Variants in CEACAM21 observed in about 807,000 individuals in gnomAD.
CEACAM21 encodes the protein cell adhesion molecule CEACAM21.
In CEACAM21, 38 loss-of-function variants were observed where a neutral mutation model predicts 33.2. The ratio of observed to expected loss-of-function variants is 1.14; its 90% CI spans 0.88 to 1.50. CEACAM21 has a LOEUF of 1.50. CEACAM21 is among the 40% of genes most tolerant of loss of function. The pLI, the probability that CEACAM21 is intolerant of heterozygous loss-of-function variation, is 0.00. For missense variants in CEACAM21, 385 were observed against 364.6 expected (o/e 1.06, Z -0.46); for synonymous variants, 156 against 143.0 (o/e 1.09, Z -0.65).
chr19:41,577,308 T>A lies in CEACAM21; in HGVS notation c.173T>A (p.Leu58Gln), dbSNP rs782218100. 3.1e-6 allele frequency: 5 copies of A among 1,614,016 alleles called. No individual in the cohort carries two copies. Among genetic ancestry groups the A allele is most frequent in the Non-Finnish European group, 4.2e-6 (5 of 1,179,982 alleles). The change falls in exon 2 of 7, where the codon CTG becomes CAG. Residue 58 changes from leucine to glutamine, a missense_variant. Coordinates refer to ENST00000401445, the MANE Select transcript of CEACAM21 (RefSeq NM_001098506.4). ...AATGTTCATCTCTCTGTGGTTTATC[T>A]GCCCGAGAATCTTTACAGCTATGGC... ...GENVHLSVVY[L>Q]PENLYSYGWY...
intron 3 of CEACAM21, 79 bp from the exon 4 acceptor site, chr19:41,584,268 A>T: frequency 8.2e-7 from 1 of 1,223,806 alleles, no homozygotes; most frequent in South Asian, 1.3e-5. Context: ...CTCCCTGACC[A>T]TGCCCCTGCC....
chr19:41,557,569 G>A (rs782540274), intron 1 of CEACAM21, among the ~76,000 whole-genome samples: 2 of 152,152 alleles, frequency 1.3e-5, no homozygotes, highest in Non-Finnish European at 2.9e-5. Flanking sequence ...TGTGAGGACT[G>A]GGTGGATTCA....
intron 1 of CEACAM21, among the ~76,000 whole-genome samples, chr19:41,562,540 A>G (rs1265815735): frequency 6.6e-6 from 1 of 152,180 alleles, no homozygotes; most frequent in Admixed American, 6.5e-5. Context: ...AAAATACAAA[A>G]CCAAAAAACA....
chr19:41,550,507 A>T (rs1012070370), intron 1 of CEACAM21: 4 of 152,252 alleles, frequency 2.6e-5, no homozygotes, highest in Non-Finnish European at 5.9e-5. Context: ...GCGGTGGCTC[A>T]CGCCTGTAAT....
rs543685555 is a variant in CEACAM21, at chr19:41,563,359, C to A, written c.-778-1323C>A. Among the ~76,000 whole-genome samples, 958 of 152,308 alleles carry A rather than the reference C, an allele frequency of 6.3e-3. 11 individuals are homozygous for A. Among genetic ancestry groups the A allele is most frequent in the African/African-American group, 0.022 (925 of 41,564 alleles). ...GGGACAGGGGCCTTGGCTACTCTCCCACACCTGTCTGGGCTGTTCCTCGGC... is the reference window on the plus strand; with the variant it reads ...GGGACAGGGGCCTTGGCTACTCTCCAACACCTGTCTGGGCTGTTCCTCGGC... On this transcript the variant is annotated intron_variant, in intron 1 of 7. Coordinates refer to the CEACAM21 transcript ENST00000407170.
chr19:41,563,341 G>A (rs1056151668), intron 1 of CEACAM21, among the ~76,000 whole-genome samples: 12 of 152,186 alleles, frequency 7.9e-5, no homozygotes, highest in Non-Finnish European at 1.5e-4. Flanking sequence ...CCCGGGACAG[G>A]GGCCTTGGCT....
At chr19:41,554,368 A>G (rs1249274617) in intron 1 of CEACAM21, among the ~76,000 whole-genome samples, 1 of 152,070 alleles carries the variant, frequency 6.6e-6, no homozygotes, top group South Asian at 2.1e-4. Flanking sequence ...AGTCATAGTC[A>G]AAGACACAAT....
chr19:41,577,661 G>T, intron 2 of CEACAM21, 102 bp downstream of exon 2: 1 of 1,537,138 alleles, frequency 6.5e-7, no homozygotes, highest in East Asian at 2.2e-5. Flanking sequence ...TCTGCATTAC[G>T]TCCCATGTTG....
Position 41,578,303 on chromosome 19 carries a change from CTT to C in CEACAM21, c.424+758_424+759del, listed in dbSNP as rs34093847. Among the ~76,000 whole-genome samples, 460 of 142,492 alleles carry C rather than the reference CTT, an allele frequency of 3.2e-3. 1 individual carries two copies. Among genetic ancestry groups the C allele is most frequent in the African/African-American group, 9.9e-3 (387 of 39,184 alleles). 93.5% of individuals were successfully genotyped at this position (142,492 alleles called of 152,430 possible). On this transcript the variant is annotated intron_variant, in intron 2 of 6. Coordinates refer to ENST00000401445, the MANE Select transcript of CEACAM21 (RefSeq NM_001098506.4). The stretch of plus-strand genomic sequence containing the variant: ...CACCAGGAATCAGGCCCAGAGAACT[CTT>C]TTTTTTTTTTTTTGGAGTAAAATAA...
At chr19:41,573,569 A>T (rs1235988422), upstream of CEACAM21, among the ~76,000 whole-genome samples, 1 of 152,224 alleles carries the variant, frequency 6.6e-6, no homozygotes, top group Non-Finnish European at 1.5e-5. Context: ...TCTGAAGGAG[A>T]TGCAGGCTAT....
In CEACAM21 at chr19:41,577,072, C is replaced by T. The variant is rs1440692867; in HGVS notation, c.65-128C>T. On this transcript the variant is annotated intron_variant, in intron 1 of 6. Transcript: ENST00000401445. ...ATGAGGGTCATGCTGCTGACTTTGA[C>T]CCAGTAGGACACACACACACACACA... 7.7e-6 allele frequency: 8 copies of T among 1,038,364 alleles called. No individual in the cohort carries two copies. In the East Asian group the frequency reaches 2.0e-4, roughly 27 times the overall value. The allele number at this position is 1,038,364 out of a possible 1,614,324, so 64.3% of individuals were successfully genotyped here. A position where few individuals can be genotyped will look rare whatever the true frequency, so the allele number is the denominator to read the frequency against.
At chr19:41,575,588 C>T (rs1555790716), upstream of CEACAM21, among the ~76,000 whole-genome samples, 1 of 152,212 alleles carries the variant, frequency 6.6e-6, no homozygotes, top group East Asian at 1.9e-4. Flanking sequence ...TCACCAAGGA[C>T]AGCAGAACCC....
chr19:41,580,500 C>T (rs1210666188), intron 3 of CEACAM21, among the ~76,000 whole-genome samples: 1 of 152,192 alleles, frequency 6.6e-6, no homozygotes, highest in Non-Finnish European at 1.5e-5. Context: ...ACTGGCTTCA[C>T]ATTGAGGTTT....
chr19:41,581,513 G>A (rs1404666738), intron 3 of CEACAM21, among the ~76,000 whole-genome samples: 2 of 152,130 alleles, frequency 1.3e-5, no homozygotes, highest in African/African-American at 4.8e-5. Context: ...GCACTGCTGG[G>A]TTAGGATCTC....
chr19:41,573,702 A>C (rs782060661), upstream of CEACAM21, among the ~76,000 whole-genome samples: 3 of 152,222 alleles, frequency 2.0e-5, no homozygotes, highest in Admixed American at 6.5e-5. Context: ...AAGCACTTCC[A>C]GGGTCTCTCA....
At chr19:41,555,871 G>T (rs1408836712) in intron 1 of CEACAM21, among the ~76,000 whole-genome samples, 1 of 152,178 alleles carries the variant, frequency 6.6e-6, no homozygotes, top group Admixed American at 6.5e-5. Context: ...TTATTGCAAC[G>T]GCTCTCAGCC....
Position 41,585,948 on chromosome 19 carries a change from C to G in CEACAM21, c.*77C>G. On this transcript the variant is annotated intron_variant, in intron 6 of 6. Transcript: ENST00000401445. ...GCTCAGGGCAGGGGGACTGTCAATC[C>G]CCAGCACAAACCCACCCTACCCAGA... The G allele has an allele frequency of 2.7e-6, 4 of 1,474,322 alleles. No homozygotes were observed. The South Asian group carries it at 3.5e-5, about 13-fold the overall frequency. 91.3% of individuals were successfully genotyped at this position (1,474,322 alleles called of 1,614,324 possible). A position where few individuals can be genotyped will look rare whatever the true frequency, so the allele number is the denominator to read the frequency against.
intron 3 of CEACAM21, among the ~76,000 whole-genome samples, chr19:41,579,992 G>A (rs2043254723): frequency 2.0e-5 from 3 of 152,152 alleles, no homozygotes; most frequent in African/African-American, 7.2e-5. Flanking sequence ...ATATCGACTG[G>A]TATTATTTTT....
At chr19:41,556,296 A>G (rs113286130) in intron 1 of CEACAM21, among the ~76,000 whole-genome samples, 1 of 152,248 alleles carries the variant, frequency 6.6e-6, no homozygotes, top group Non-Finnish European at 1.5e-5. Flanking sequence ...TATTTTGTCA[A>G]AATTTCAACT....
Sources: gnomAD v4.1 joint callset for allele counts (sites outside exome capture counted in the v4.1 genomes callset) on GRCh38, gnomAD v4.1.1 for gene constraint, MANE v1.5 for transcripts, NCBI Gene and HGNC (gene_info 2026-07-23, HGNC 2026-07-21) for gene names.